Variants in KIAA1217 observed in about 807,000 individuals in gnomAD.
KIAA1217 encodes the protein sickle tail protein homolog.
KIAA1217 carries 88 observed loss-of-function variants against 163.9 expected under a neutral mutation model. The ratio of observed to expected loss-of-function variants is 0.54; its 90% confidence interval spans 0.45 to 0.64. The LOEUF is 0.64. Among genes scored for constraint, KIAA1217 ranks in the 30% least tolerant of loss-of-function variants. The pLI is 0.00. For missense variants in KIAA1217, 2,372 were observed against 2,475.0 expected, an observed-to-expected ratio of 0.96 and a Z score of 0.88; for synonymous variants, 903 against 923.1, an observed-to-expected ratio of 0.98 and a Z score of 0.39.
chr10:24,379,809 T>G (rs537666936), intron 2 of KIAA1217, among the ~76,000 whole-genome samples: 1 of 152,246 alleles, frequency 6.6e-6, no homozygotes, highest in East Asian at 1.9e-4. Context: ...CCCAGCACTT[T>G]GGGAGGCTGA....
intron 2 of KIAA1217, among the ~76,000 whole-genome samples, chr10:24,039,150 T>C (rs1021068138): frequency 2.0e-5 from 3 of 152,048 alleles, no homozygotes; most frequent in Non-Finnish European, 4.4e-5. Context: ...TTTTTAGAGG[T>C]TCTCCAGCTG....
At chr10:23,712,075 C>G (rs564185997) in intron 1 of KIAA1217, among the ~76,000 whole-genome samples, 32 of 152,104 alleles carry the variant, frequency 2.1e-4, no homozygotes, top group Admixed American at 5.2e-4. Context: ...GTGGACTCTT[C>G]TAGTGACCCC....
intron 1 of KIAA1217, among the ~76,000 whole-genome samples, chr10:23,898,971 G>A (rs1262987458): frequency 6.6e-6 from 1 of 152,104 alleles, no homozygotes; most frequent in Non-Finnish European, 1.5e-5. Flanking sequence ...GGGCTAAACT[G>A]TGTTGATGTG....
At chr10:23,806,119 TG>T (rs1343764332) in intron 1 of KIAA1217, among the ~76,000 whole-genome samples, 3 of 151,676 alleles carry the variant, frequency 2.0e-5, no homozygotes, top group African/African-American at 7.3e-5. Context: ...TCTAATCAGA[TG>T]GTACTCCCAT....
intron 1 of KIAA1217, among the ~76,000 whole-genome samples, chr10:23,807,752 G>T (rs1018670386): frequency 6.6e-6 from 1 of 152,172 alleles, no homozygotes; most frequent in Non-Finnish European, 1.5e-5. Flanking sequence ...AGAATGGAAG[G>T]CCTCAGCTGT....
chr10:24,382,009 A>T (rs186029369), intron 3 of KIAA1217, among the ~76,000 whole-genome samples: 124 of 149,608 alleles, frequency 8.3e-4, no homozygotes, highest in Admixed American at 2.1e-3. Flanking sequence ...TTTACCACGT[A>T]TCATTTCCTT....
chr10:24,325,431 C>G (rs2044742801), intron 2 of KIAA1217, among the ~76,000 whole-genome samples: 1 of 147,540 alleles, frequency 6.8e-6, no homozygotes. Flanking sequence ...GAGCGGGCAC[C>G]TAAGAGTAAG....
intron 1 of KIAA1217, among the ~76,000 whole-genome samples, chr10:23,884,430 C>A (rs938407525): frequency 1.3e-5 from 2 of 151,896 alleles, no homozygotes; most frequent in African/African-American, 4.8e-5. Flanking sequence ...TTGCGGATGT[C>A]CAGAGAAATC....
intron 2 of KIAA1217, among the ~76,000 whole-genome samples, chr10:24,116,261 TCTGA>T (rs2063048814): frequency 6.6e-6 from 1 of 152,062 alleles, no homozygotes; most frequent in Non-Finnish European, 1.5e-5. Context: ...GTGATACACC[TCTGA>T]CTGCACAGCT....
chr10:23,769,426 C>T (rs932655302), intron 1 of KIAA1217, among the ~76,000 whole-genome samples: 1 of 152,170 alleles, frequency 6.6e-6, no homozygotes, highest in East Asian at 1.9e-4. Context: ...AATCTTGTAG[C>T]CTCCGGCTTC....
At chr10:24,309,848 C>T (rs1318954640) in intron 2 of KIAA1217, among the ~76,000 whole-genome samples, 1 of 152,170 alleles carries the variant, frequency 6.6e-6, no homozygotes, top group African/African-American at 2.4e-5. Flanking sequence ...TGTAGAATTT[C>T]CCTGCAACAC....
At chr10:23,904,962 T>A (rs1842091716) in intron 1 of KIAA1217, among the ~76,000 whole-genome samples, 1 of 151,952 alleles carries the variant, frequency 6.6e-6, no homozygotes, top group South Asian at 2.1e-4. Context: ...ATCTTCTTTT[T>A]TTTTTTTCTA....
At chr10:23,856,284 C>G (rs1024339547) in intron 1 of KIAA1217, among the ~76,000 whole-genome samples, 16 of 152,148 alleles carry the variant, frequency 1.1e-4, no homozygotes, top group African/African-American at 1.4e-4. Flanking sequence ...CACTCCAGAC[C>G]CTGTTTGCCT....
chr10:24,180,073 T>G (rs563240374), intron 2 of KIAA1217, among the ~76,000 whole-genome samples: 1 of 152,292 alleles, frequency 6.6e-6, no homozygotes, highest in East Asian at 1.9e-4. Flanking sequence ...GGTATGAAAT[T>G]TATCCCCTGC....
chr10:24,242,319 C>T (rs753449061), intron 2 of KIAA1217, among the ~76,000 whole-genome samples: 14 of 152,108 alleles, frequency 9.2e-5, no homozygotes, highest in Non-Finnish European at 1.6e-4. Context: ...CCATGTTTAG[C>T]CCCCACTTGT....
At chr10:24,300,086 A>G (rs1034404633) in intron 2 of KIAA1217, among the ~76,000 whole-genome samples, 1 of 152,212 alleles carries the variant, frequency 6.6e-6, no homozygotes, top group Non-Finnish European at 1.5e-5. Flanking sequence ...ACTGATGCCG[A>G]GGCTACGTAC....
At chr10:24,106,176 C>T (rs766492625) in intron 2 of KIAA1217, among the ~76,000 whole-genome samples, 1 of 152,108 alleles carries the variant, frequency 6.6e-6, no homozygotes, top group South Asian at 2.1e-4. Flanking sequence ...AGTTGTCTGC[C>T]GTTGCCTCCT....
At chr10:24,444,444 G>A (rs1330091962) in intron 5 of KIAA1217, among the ~76,000 whole-genome samples, 2 of 152,058 alleles carry the variant, frequency 1.3e-5, no homozygotes, top group Non-Finnish European at 2.9e-5. Context: ...TTGCACATTC[G>A]CATTGTGTTA....
At chr10:23,967,253 C>T (rs1367460713) in intron 1 of KIAA1217, among the ~76,000 whole-genome samples, 2 of 151,678 alleles carry the variant, frequency 1.3e-5, no homozygotes, top group Non-Finnish European at 2.9e-5. Context: ...GAGTCCAGTT[C>T]GATAAGTAGA....
Sources: allele counts gnomAD v4.1 joint callset (sites outside exome capture counted in the v4.1 genomes callset), GRCh38; gene constraint gnomAD v4.1.1; transcripts MANE v1.5; gene names NCBI Gene and HGNC (gene_info 2026-07-23, HGNC 2026-07-21).